Variants in PCDHA5 observed in about 807,000 individuals in gnomAD.
PCDHA5 encodes the protein protocadherin alpha 5, also known as protocadherin alpha-5.
In PCDHA5, 43 loss-of-function variants were observed where a neutral mutation model predicts 61.6. The ratio of observed to expected loss-of-function variants is 0.70; its 90% CI spans 0.55 to 0.90. The LOEUF (loss-of-function observed/expected upper bound fraction) is 0.90. Among genes scored for constraint, PCDHA5 ranks in the 40% least tolerant of loss-of-function variants. PCDHA5 has a pLI of 0.00. For missense variants in PCDHA5, 1,298 were observed against 1,222.7 expected, an observed-to-expected ratio of 1.06 and a Z score of -0.92; for synonymous variants, 627 against 543.9, an observed-to-expected ratio of 1.15 and a Z score of -2.13.
At chr5:140,922,802 GA>G (rs1475670811) in intron 1 of PCDHA5, among the ~76,000 whole-genome samples, 1 of 152,162 alleles carries the variant, frequency 6.6e-6, no homozygotes, top group African/African-American at 2.4e-5. Flanking sequence ...TTGGAATACA[GA>G]AAAAGGAGAT....
intron 1 of PCDHA5, chr5:140,929,189 A>C (rs782622519): frequency 3.1e-6 from 5 of 1,614,180 alleles, no homozygotes; most frequent in Non-Finnish European, 3.4e-6. Context: ...GGTTCTGATA[A>C]TAACAGTTTG....
intron 2 of PCDHA5, among the ~76,000 whole-genome samples, chr5:140,979,729 C>CA: frequency 6.6e-6 from 1 of 152,232 alleles, no homozygotes; most frequent in African/African-American, 2.4e-5. Flanking sequence ...GCCATGGGGC[C>CA]AAATAAAAGA....
At chr5:140,874,124 T>C (rs926046559) in intron 1 of PCDHA5, among the ~76,000 whole-genome samples, 1 of 152,266 alleles carries the variant, frequency 6.6e-6, no homozygotes, top group Non-Finnish European at 1.5e-5. Flanking sequence ...TTATAGTTTA[T>C]TTAAGTTATC....
rs1310704954 is a variant in PCDHA5, at chr5:141,010,062, A to C, written c.*125A>C. 1.2e-6 allele frequency: 2 copies of C among 1,602,540 alleles called. No homozygotes were observed. The highest frequency in any genetic ancestry group is 1.7e-6 in the Non-Finnish European group (2 of 1,174,354). Reference sequence around the variant, plus strand: ...CCTCTTAGAGACCTCAGAAATCTGCAGAAAGTTCCCTGTGTCTGTCTAGAA... The same window carrying C: ...CCTCTTAGAGACCTCAGAAATCTGCCGAAAGTTCCCTGTGTCTGTCTAGAA... On this transcript the variant is annotated 3_prime_UTR_variant, in exon 4 of 4. Transcript: ENST00000529859.
chr5:140,987,936 T>C lies in PCDHA5; in HGVS notation c.2500+5373T>C, dbSNP rs80117115. Among the ~76,000 whole-genome samples the C allele has an allele frequency of 7.9e-3, 1,205 of 152,348 alleles. 20 individuals are homozygous for C. Among genetic ancestry groups the C allele is most frequent in the African/African-American group, 0.027 (1,136 of 41,570 alleles). On this transcript the variant is annotated intron_variant, in intron 3 of 3. Coordinates refer to ENST00000529859, the MANE Select transcript of PCDHA5 (RefSeq NM_018908.3). ...TATTCTTAATTGTCTCAAGGATTCT[T>C]ACCTGTCTGACAAAACCAACTCCCC...
intron 1 of PCDHA5, chr5:140,868,546 A>T (rs1356639258): frequency 1.3e-5 from 2 of 152,640 alleles, no homozygotes; most frequent in African/African-American, 2.4e-5. Context: ...TTCAAATTTG[A>T]TAGTATTTTT....
intron 1 of PCDHA5, chr5:140,927,739 CG>C: frequency 1.2e-6 from 2 of 1,614,212 alleles, no homozygotes; most frequent in Non-Finnish European, 1.7e-6. Flanking sequence ...GCTGCGACAC[CG>C]CTTTCACGTG....
chr5:140,849,744 A>G lies in PCDHA5; in HGVS notation c.2352+25617A>G, dbSNP rs2150447733. On this transcript the variant is annotated intron_variant, in intron 1 of 3. Coordinates refer to ENST00000529859, the MANE Select transcript of PCDHA5 (RefSeq NM_018908.3). ...GCTGGACAGAGCTCTGGACCGCGAG[A>G]GTGTGTCCGCCTACGAGCTGGTGGT... The G allele has an allele frequency of 1.1e-5, 18 of 1,598,098 alleles. No homozygotes were observed. In the South Asian group the frequency reaches 1.4e-4, roughly 13 times the overall value.
At chr5:140,830,407 T>C in intron 1 of PCDHA5, 4 of 1,614,170 alleles carry the variant, frequency 2.5e-6, no homozygotes, top group South Asian at 2.2e-5. Flanking sequence ...TCATGGCCTT[T>C]AGCCCCAGCC....
At position 140,857,606 on chromosome 5, in the gene PCDHA5, C is replaced by T. The variant is rs565842920; in HGVS notation, c.2352+33479C>T. The T allele has an allele frequency of 1.2e-4, 191 of 1,596,384 alleles. 13 individuals are homozygous for T. The South Asian group carries it at 2.1e-3, about 17-fold the overall frequency. ...GGAGAGCGGCAAGGTGTACGCGCTG[C>T]AGCCGCTGGACCACGAGGAGCTGGA... On this transcript the variant is annotated intron_variant, in intron 1 of 3. Coordinates refer to ENST00000529859, the MANE Select transcript of PCDHA5 (RefSeq NM_018908.3).
At chr5:140,841,153 T>C in intron 1 of PCDHA5, 1 of 819,712 alleles carries the variant, frequency 1.2e-6, no homozygotes, top group East Asian at 2.7e-5. Flanking sequence ...TGTCGCTGTC[T>C]ACCAAGAAGT....
At chr5:140,892,550 A>G (rs1337911954) in intron 1 of PCDHA5, among the ~76,000 whole-genome samples, 1 of 152,202 alleles carries the variant, frequency 6.6e-6, no homozygotes, top group East Asian at 1.9e-4. Context: ...TTGTTTCTCT[A>G]GTCCTTGGAG....
intron 1 of PCDHA5, chr5:140,868,560 T>C (rs2050524245): frequency 1.3e-5 from 2 of 152,862 alleles, no homozygotes; most frequent in South Asian, 2.1e-4. Flanking sequence ...TATTTTTATA[T>C]GAGGAACAAC....
intron 1 of PCDHA5, among the ~76,000 whole-genome samples, chr5:140,964,705 C>T (rs1361202248): frequency 2.6e-5 from 4 of 151,550 alleles, no homozygotes; most frequent in Non-Finnish European, 4.4e-5. Flanking sequence ...TTAAGGCCTC[C>T]GAGATCAAAT....
At chr5:140,985,619 G>A (rs961379624) in intron 3 of PCDHA5, among the ~76,000 whole-genome samples, 1 of 152,064 alleles carries the variant, frequency 6.6e-6, no homozygotes, top group Non-Finnish European at 1.5e-5. Flanking sequence ...TGAACCAGCT[G>A]TGTATTGCTC....
chr5:140,883,031 G>A, intron 1 of PCDHA5: 1 of 1,614,078 alleles, frequency 6.2e-7, no homozygotes, highest in Non-Finnish European at 8.5e-7. Flanking sequence ...GTTAGAGAAC[G>A]CCTTCAATGG....
chr5:140,862,294 T>G, intron 1 of PCDHA5: 1 of 269,096 alleles, frequency 3.7e-6, no homozygotes, highest in Non-Finnish European at 7.3e-6. Context: ...AGGAGGACGC[T>G]CCACTGGGTA....
At position 140,971,223 on chromosome 5, in the gene PCDHA5, C is replaced by T. The variant is rs904012820; in HGVS notation, c.2353-7726C>T. The stretch of plus-strand genomic sequence containing the variant: ...GACACTGTTACCCTCCCTCTCCTGA[C>T]TCAAAGCTTGGGGCAATTTGATACA... On this transcript the variant is annotated intron_variant, in intron 1 of 3. Transcript: ENST00000529859. Among the ~76,000 whole-genome samples, 3 of 152,148 alleles carry T rather than the reference C, an allele frequency of 2.0e-5. No homozygotes were observed. The South Asian group carries it at 6.2e-4, about 31-fold the overall frequency.
intron 1 of PCDHA5, among the ~76,000 whole-genome samples, chr5:140,878,596 G>A (rs1352519824): frequency 6.6e-6 from 1 of 152,144 alleles, no homozygotes; most frequent in South Asian, 2.1e-4. Context: ...CTATTACCAA[G>A]TGAATCTTCT....
Sources: gnomAD v4.1 joint callset for allele counts (sites outside exome capture counted in the v4.1 genomes callset) on GRCh38, gnomAD v4.1.1 for gene constraint, MANE v1.5 for transcripts, NCBI Gene and HGNC (gene_info 2026-07-23, HGNC 2026-07-21) for gene names.